The following DENND1A variants were observed in gnomAD, a reference collection of about 807,000 sequenced individuals.
The protein encoded by DENND1A is DENN domain-containing protein 1A.
Under a neutral mutation model 113.7 loss-of-function variants are expected in DENND1A, and 51 were observed. The observed-to-expected ratio is 0.45, with a 90% confidence interval of 0.36 to 0.57. DENND1A has a LOEUF of 0.57. DENND1A is among the 20% of genes least tolerant of loss of function. The pLI, the probability that DENND1A is intolerant of heterozygous loss-of-function variation, is 0.00. For synonymous variants in DENND1A, 565 were observed against 570.8 expected (o/e 0.99, Z 0.14); for missense variants, 1,258 against 1,395.9 (o/e 0.90, Z 1.57).
rs375225768 is a variant in DENND1A at position 123,830,809 on chromosome 9, C to T, written c.89-38179G>A. Among the ~76,000 whole-genome samples the T allele has an allele frequency of 1.3e-4, 17 of 132,202 alleles. 1 individual carries two copies. The South Asian group carries it at 1.8e-3, about 14-fold the overall frequency. The allele number at this position is 132,202 out of a possible 152,430, so 86.7% of individuals were successfully genotyped here. Reference sequence around the variant, plus strand: ...TGAACCCGGGAGGCAGAGGTTGCAGCGAGCCGAGATCATCCCACTGCACTC... The same window carrying T: ...TGAACCCGGGAGGCAGAGGTTGCAGTGAGCCGAGATCATCCCACTGCACTC... On this transcript the variant is annotated intron_variant, in intron 2 of 23. Coordinates refer to ENST00000394215, the MANE Select transcript of DENND1A (RefSeq NM_001352964.2).
chr9:123,579,798 A>G (rs896635124), intron 12 of DENND1A, among the ~76,000 whole-genome samples: 8 of 152,222 alleles, frequency 5.3e-5, no homozygotes, highest in African/African-American at 1.2e-4. Context: ...TTGATAGCTC[A>G]TGTAGCATCA....
At chr9:123,409,439 G>C (rs1322789788) in intron 20 of DENND1A, among the ~76,000 whole-genome samples, 1 of 151,510 alleles carries the variant, frequency 6.6e-6, no homozygotes, top group East Asian at 1.9e-4. Context: ...TTGGATTAGG[G>C]GCACACAACC....
intron 2 of DENND1A, among the ~76,000 whole-genome samples, chr9:123,872,216 A>G (rs986306745): frequency 2.6e-5 from 4 of 152,252 alleles, no homozygotes; most frequent in Admixed American, 2.0e-4. Context: ...TAGATCAAAG[A>G]TCTCCTCAAA....
rs184679359 is a variant in DENND1A, at chr9:123,710,438, G to A, written c.303-33649C>T. 1.4e-4 allele frequency among the ~76,000 whole-genome samples: 22 copies of A among 152,088 alleles called. No homozygotes were observed. The East Asian group carries it at 4.1e-3, about 28-fold the overall frequency. On this transcript the variant is annotated intron_variant, in intron 5 of 23. Transcript: ENST00000394215. ...AATTCTGAAGGCTAAGTTCAACAAG[G>A]CTACCACTCTAGAGAATCCTTTCTA... is the stretch of plus-strand genomic sequence containing the variant.
chr9:123,903,003 G>A (rs1588158169), intron 1 of DENND1A, among the ~76,000 whole-genome samples: 1 of 152,112 alleles, frequency 6.6e-6, no homozygotes. Flanking sequence ...TGCAAGGCTG[G>A]TTTAACATTT....
At chr9:123,614,429 A>G (rs906567993) in intron 10 of DENND1A, among the ~76,000 whole-genome samples, 2 of 152,198 alleles carry the variant, frequency 1.3e-5, no homozygotes, top group African/African-American at 4.8e-5. Flanking sequence ...GAAACTGCAG[A>G]CTTACTAACG....
chr9:123,911,696 T>C (rs1404406308), intron 1 of DENND1A, among the ~76,000 whole-genome samples: 2 of 139,610 alleles, frequency 1.4e-5, no homozygotes, highest in Non-Finnish European at 3.0e-5. Flanking sequence ...TGATTTTTTT[T>C]TTCTTTTTTT....
intron 5 of DENND1A, among the ~76,000 whole-genome samples, chr9:123,743,380 G>A (rs189622255): frequency 1.1e-3 from 170 of 151,302 alleles, no homozygotes; most frequent in Admixed American, 6.2e-3. Context: ...CAGCCTGAGC[G>A]ATGGAGTAAG....
At chr9:123,466,293 GC>G (rs754080864) in intron 13 of DENND1A, among the ~76,000 whole-genome samples, 12 of 152,088 alleles carry the variant, frequency 7.9e-5, no homozygotes, top group Non-Finnish European at 1.6e-4. Flanking sequence ...CACCGTGCCT[GC>G]CTTTTTATTT....
At chr9:123,901,014 A>G (rs1284177185) in intron 1 of DENND1A, among the ~76,000 whole-genome samples, 1 of 152,248 alleles carries the variant, frequency 6.6e-6, no homozygotes, top group Non-Finnish European at 1.5e-5. Flanking sequence ...TGGTTATTCA[A>G]TTTGTGTTAT....
intron 12 of DENND1A, among the ~76,000 whole-genome samples, chr9:123,565,003 T>TTTTTTTTTG: frequency 6.7e-6 from 1 of 148,260 alleles, no homozygotes; most frequent in Non-Finnish European, 1.5e-5. Context: ...TTTTTTTTTT[T>TTTTTTTTTG]TTCAGATGGA....
intron 13 of DENND1A, among the ~76,000 whole-genome samples, chr9:123,538,330 G>A (rs1270657998): frequency 1.3e-5 from 2 of 152,148 alleles, no homozygotes; most frequent in African/African-American, 4.8e-5. Flanking sequence ...ACGTACATAA[G>A]CATATGTTTC....
chr9:123,552,724 TCAG>T (rs1384623950), intron 13 of DENND1A, among the ~76,000 whole-genome samples: 7 of 152,372 alleles, frequency 4.6e-5, no homozygotes, highest in African/African-American at 1.7e-4. Context: ...CCTACTGTTC[TCAG>T]GCCCTGCCCT....
intron 5 of DENND1A, among the ~76,000 whole-genome samples, chr9:123,684,857 A>G (rs2064709009): frequency 6.6e-6 from 1 of 152,202 alleles, no homozygotes; most frequent in South Asian, 2.1e-4. Flanking sequence ...GGGAGCTCAC[A>G]GTCTAAAGAG....
chr9:123,423,195 C>T (rs1175536174), intron 19 of DENND1A, among the ~76,000 whole-genome samples: 2 of 152,196 alleles, frequency 1.3e-5, no homozygotes, highest in Admixed American at 1.3e-4. Context: ...CACTGACTTC[C>T]CGAAAGCTCA....
chr9:123,695,185 G>A (rs1050153579), intron 5 of DENND1A, among the ~76,000 whole-genome samples: 1 of 151,730 alleles, frequency 6.6e-6, no homozygotes, highest in Non-Finnish European at 1.5e-5. Context: ...TTGTGATTGT[G>A]TAAGTTAATA....
intron 2 of DENND1A, among the ~76,000 whole-genome samples, chr9:123,827,373 AT>A (rs1839498320): frequency 6.9e-6 from 1 of 143,934 alleles, no homozygotes; most frequent in South Asian, 2.1e-4. Flanking sequence ...ACCTTGAATA[AT>A]TTCATTAATG....
intron 15 of DENND1A, among the ~76,000 whole-genome samples, chr9:123,457,129 AG>A (rs1436717704): frequency 2.6e-5 from 4 of 152,218 alleles, no homozygotes; most frequent in Non-Finnish European, 5.9e-5. Context: ...TTGTCTACAC[AG>A]GGGAAGCAAC....
chr9:123,494,546 A>G (rs1344096647), intron 13 of DENND1A, among the ~76,000 whole-genome samples: 1 of 152,200 alleles, frequency 6.6e-6, no homozygotes, highest in Non-Finnish European at 1.5e-5. Context: ...GCTCAAGGTT[A>G]CAGAACACAC....
Sources: gnomAD v4.1 joint callset for allele counts (sites outside exome capture counted in the v4.1 genomes callset) on GRCh38, gnomAD v4.1.1 for gene constraint, MANE v1.5 for transcripts, NCBI Gene and HGNC (gene_info 2026-07-23, HGNC 2026-07-21) for gene names.